The following GTF3C3 variants were observed in gnomAD, a reference collection of about 807,000 sequenced individuals.
GTF3C3 encodes the protein general transcription factor IIIC subunit 3.
Under a neutral mutation model 105.2 loss-of-function variants are expected in GTF3C3, and 75 were observed. That is an observed-to-expected ratio of 0.71 (90% CI 0.59 to 0.86). GTF3C3 has a LOEUF of 0.86. Among genes scored for constraint, GTF3C3 ranks in the 40% least tolerant of loss-of-function variants. The pLI is 0.00. For synonymous variants in GTF3C3, 335 were observed against 370.4 expected (o/e 0.90, Z 1.10); for missense variants, 856 against 1,076.5 (o/e 0.80, Z 2.87).
In GTF3C3 at chr2:196,770,018, C is replaced by T. The variant is rs780433362; in HGVS notation, c.2282G>A (p.Arg761His). ...ATAGAGAGGTTCGTCAGGGTGAGTGCGAAAGGCTTGCACATACTGTCCTGG... is the reference window on the plus strand; with the variant it reads ...ATAGAGAGGTTCGTCAGGGTGAGTGTGAAAGGCTTGCACATACTGTCCTGG... ...HALGQYVQAF[R>H]THPDEPLYSF... is the part of the protein sequence containing the mutation. The change falls in exon 16 of 18, where the codon CGC becomes CAC. Residue 761 changes from arginine to histidine, a missense_variant. Arg to His is a conservative substitution (Grantham distance 29). This residue lies in a region of GTF3C3 where 605 missense variants were observed against 833.6 expected (regional missense o/e 0.73). Transcript: ENST00000263956. The T allele has an allele frequency of 1.1e-5, 17 of 1,563,530 alleles. No homozygotes were observed. Among genetic ancestry groups the T allele is most frequent in the Admixed American group, 8.2e-5 (4 of 48,888 alleles).
chr2:196,772,557 A>G (rs1699191985), intron 14 of GTF3C3, among the ~76,000 whole-genome samples: 1 of 152,010 alleles, frequency 6.6e-6, no homozygotes, highest in Admixed American at 6.6e-5. Context: ...TCAAATAATA[A>G]TAATAATTAT....
intron 14 of GTF3C3, among the ~76,000 whole-genome samples, chr2:196,772,173 T>A (rs940613772): frequency 1.3e-5 from 2 of 152,354 alleles, no homozygotes; most frequent in East Asian, 3.9e-4. Flanking sequence ...TCAACAAAAC[T>A]TTTAAACTAA....
At chr2:196,791,485 A>G (rs1576035436) in intron 3 of GTF3C3, 25 bp from the exon 4 acceptor site, 1 of 1,591,374 alleles carries the variant, frequency 6.3e-7, no homozygotes, top group East Asian at 2.2e-5. Context: ...AATGACATTT[A>G]GATTAAAATA....
At position 196,771,932 on chromosome 2, in the gene GTF3C3, C is replaced by G; in HGVS notation, c.2076G>C (p.Met692Ile). Residue 692 changes from methionine to isoleucine, a missense_variant, in exon 15 of 18, where the codon ATG becomes ATC. Physicochemically the swap from Met to Ile is conservative, Grantham distance 10. This residue lies in a region of GTF3C3 where 605 missense variants were observed against 833.6 expected (regional missense o/e 0.73). Transcript: ENST00000263956. The part of the protein sequence containing the change: ...FRKAYNYIRI[M>I]VMENVNKPQL... ...GGGGTTTATTGACATTTTCCATTAC[C>G]ATTATCCTAAAATTGCAGGAAGAGG... is the stretch of plus-strand genomic sequence containing the variant. 6.2e-7 allele frequency: 1 copy of G among 1,608,922 alleles called. No individual in the cohort carries two copies.
chr2:196,777,261 T>TTC (rs368952592), intron 10 of GTF3C3, among the ~76,000 whole-genome samples: 3 of 151,982 alleles, frequency 2.0e-5, no homozygotes, highest in Admixed American at 6.5e-5. Flanking sequence ...CTCCCTAGTA[T>TTC]TCTCTCTCTC....
In GTF3C3 at chr2:196,769,912, T is replaced by C; in HGVS notation, c.2385+3A>G. On this transcript the variant is annotated splice_donor_region_variant and intron_variant, in intron 16 of 17. Transcript: ENST00000263956. Reference sequence around the variant, plus strand: ...CAAGTAACGAGAAATTTGAATGAATTACCTGTACAATAAGAGCATGTCTCC... The same window carrying C: ...CAAGTAACGAGAAATTTGAATGAATCACCTGTACAATAAGAGCATGTCTCC... 23 of 1,604,966 alleles carry C rather than the reference T, an allele frequency of 1.4e-5. No homozygotes were observed. The highest frequency in any genetic ancestry group is 2.0e-5 in the Non-Finnish European group (23 of 1,173,576).
At position 196,791,421 on chromosome 2, in the gene GTF3C3, C is replaced by G; in HGVS notation, c.451G>C (p.Gly151Arg). ...PRSKLPRALR[G>R]LMGEANIRFA... Reference sequence around the variant, plus strand: ...CGAATGTTGGCTTCACCCATGAGACCTCTCAGAGCTCTGGGAAGTTTACTC... The same window carrying G: ...CGAATGTTGGCTTCACCCATGAGACGTCTCAGAGCTCTGGGAAGTTTACTC... Residue 151 changes from glycine (G) to arginine (R), a missense_variant, in exon 4 of 18, where the codon GGT becomes CGT. Around this residue, in one of 3 missense-constraint regions of GTF3C3, gnomAD observed 605 missense variants for 833.6 expected, o/e 0.73. Coordinates refer to ENST00000263956, the MANE Select transcript of GTF3C3 (RefSeq NM_012086.5). The G allele has an allele frequency of 6.2e-7, 1 of 1,613,626 alleles. No individual in the cohort carries two copies. Among genetic ancestry groups the G allele is most frequent in the Non-Finnish European group, 8.5e-7 (1 of 1,179,572 alleles).
chr2:196,767,065 C>T (rs558670821), intron 16 of GTF3C3: 4 of 163,810 alleles, frequency 2.4e-5, no homozygotes, highest in South Asian at 3.9e-4. Flanking sequence ...GTGAGATTGA[C>T]GCCTAAAAGA....
chr2:196,795,927 G>T (rs972006163), intron 2 of GTF3C3, among the ~76,000 whole-genome samples: 2 of 152,140 alleles, frequency 1.3e-5, no homozygotes, highest in Admixed American at 6.5e-5. Context: ...ATTTAGCAAG[G>T]TTGCTGAACA....
chr2:196,789,067 ATAAAC>A, intron 6 of GTF3C3, 132 bp downstream of exon 6: 5 of 703,478 alleles, frequency 7.1e-6, no homozygotes, highest in Non-Finnish European at 9.2e-6. Flanking sequence ...CCCTGTCTCA[ATAAAC>A]AAAACAATAA....
At chr2:196,775,389 G>A in intron 12 of GTF3C3, 138 bp from the exon 13 acceptor site, 1 of 612,150 alleles carries the variant, frequency 1.6e-6, no homozygotes, top group Non-Finnish European at 2.6e-6. Context: ...GCAAGTAGCT[G>A]GGACCACAGG....
At chr2:196,794,773 C>T (rs1251996955) in intron 2 of GTF3C3, among the ~76,000 whole-genome samples, 9 of 143,186 alleles carry the variant, frequency 6.3e-5, no homozygotes, top group Admixed American at 7.0e-5. Flanking sequence ...CTCACTCTGT[C>T]GCCCAGGCTG....
At chr2:196,774,688 T>C (rs1474895964) in intron 13 of GTF3C3, among the ~76,000 whole-genome samples, 1 of 152,216 alleles carries the variant, frequency 6.6e-6, no homozygotes, top group African/African-American at 2.4e-5. Flanking sequence ...TAAAGTTATA[T>C]TACTTGAGAC....
chr2:196,786,231 G>A lies in GTF3C3; in HGVS notation c.894-643C>T, dbSNP rs769048212. Among the ~76,000 whole-genome samples, 12 of 152,074 alleles carry A rather than the reference G, an allele frequency of 7.9e-5. No homozygotes were observed. The South Asian group carries it at 1.5e-3, about 18-fold the overall frequency. ...GACCAACTGGCTATCTTGTAAAAAC[G>A]CATATTCGGATCCAGTAGAGCTGGG... On this transcript the variant is annotated intron_variant, in intron 6 of 17. Coordinates refer to ENST00000263956, the MANE Select transcript of GTF3C3 (RefSeq NM_012086.5). The surrounding 1 kb of genome is among the most constrained non-coding windows in gnomAD (Gnocchi z 4.2).
At chr2:196,787,928 G>T (rs959424376) in intron 6 of GTF3C3, among the ~76,000 whole-genome samples, 2 of 152,092 alleles carry the variant, frequency 1.3e-5, no homozygotes, top group African/African-American at 2.4e-5. Context: ...ACATAGGAAA[G>T]ACCTCAATGG....
chr2:196,797,920 AATT>A lies in GTF3C3; in HGVS notation c.103-15_103-13del. 7.2e-7 allele frequency: 1 copy of A among 1,385,032 alleles called. No individual in the cohort carries two copies. The highest frequency in any genetic ancestry group is 1.0e-6 in the Non-Finnish European group (1 of 970,752). 85.8% of individuals were successfully genotyped at this position (1,385,032 alleles called of 1,614,324 possible). ...TTTTCCTGAAGACTCTGTGATTGCA[AATT>A]AATTAATGATTCCAAAAAATAATGC... On this transcript the variant is annotated splice_polypyrimidine_tract_variant and intron_variant, in intron 1 of 17. Transcript: ENST00000263956.
At chr2:196,772,845 A>G in intron 14 of GTF3C3, 71 bp downstream of exon 14, 1 of 772,448 alleles carries the variant, frequency 1.3e-6, no homozygotes, top group Non-Finnish European at 2.1e-6. Flanking sequence ...AAAGTAAAGT[A>G]GCTTCTAAAT....
At chr2:196,797,110 TCTAA>T (rs1055951059) in intron 2 of GTF3C3, among the ~76,000 whole-genome samples, 4 of 152,204 alleles carry the variant, frequency 2.6e-5, no homozygotes, top group African/African-American at 7.2e-5. Context: ...GAAGCTACAT[TCTAA>T]CTGACAGTTT....
chr2:196,769,776 G>A (rs933490324), intron 16 of GTF3C3, 139 bp downstream of exon 16: 10 of 629,152 alleles, frequency 1.6e-5, no homozygotes, highest in Admixed American at 5.9e-5. Context: ...CTGAACACTG[G>A]GGTAAGTGTT....
Sources: gnomAD v4.1 joint callset for allele counts (sites outside exome capture counted in the v4.1 genomes callset) on GRCh38, gnomAD v4.1.1 for gene constraint, gnomAD v4.1.1 regional missense constraint, Gnocchi (gnomAD v3.1) non-coding constraint, MANE v1.5 for transcripts, NCBI Gene and HGNC (gene_info 2026-07-23, HGNC 2026-07-21) for gene names.